Variants in FMO5 observed in about 807,000 individuals in gnomAD.
FMO5 encodes flavin-containing monooxygenase 5.
FMO5 carries 51 observed loss-of-function variants against 43.6 expected under a neutral mutation model. The ratio of observed to expected loss-of-function variants is 1.17; its 90% CI spans 0.93 to 1.48. The LOEUF is 1.48. Ranked by LOEUF, FMO5 falls within the 40% of genes most tolerant of loss-of-function variation. The pLI is 0.00. For synonymous variants in FMO5, 187 were observed against 216.5 expected (o/e 0.86, Z 1.20); for missense variants, 644 against 643.0 (o/e 1.00, Z -0.02).
At chr1:147,193,595 T>C (rs1657334855) in intron 7 of FMO5, among the ~76,000 whole-genome samples, 1 of 152,174 alleles carries the variant, frequency 6.6e-6, no homozygotes, top group South Asian at 2.1e-4. Context: ...TTAATTGTGA[T>C]GTTAGGGTGT....
upstream of FMO5, among the ~76,000 whole-genome samples, chr1:147,226,740 A>G (rs1380756570): frequency 2.0e-5 from 3 of 152,166 alleles, no homozygotes; most frequent in African/African-American, 7.2e-5. Flanking sequence ...TTTTCATGAG[A>G]GGCAACTGAT....
At position 147,213,390 on chromosome 1, in the gene FMO5, T is replaced by C; in HGVS notation, c.405A>G (p.Lys135=). 1 of 1,613,850 alleles carries C rather than the reference T, an allele frequency of 6.2e-7. No individual in the cohort carries two copies. Among genetic ancestry groups the C allele is most frequent in the South Asian group, 1.1e-5 (1 of 91,016 alleles). ...QWEVVTESEG[K]KEMNVFDGVM... is the part of the protein sequence containing the mutation. ...CTCCATCAAAGACATTCATCTCCTT[T>C]TTCCCTTCAGATTCAGTGACCACTT... Residue 135 remains lysine, a synonymous_variant, in exon 4 of 9, where the codon AAA becomes AAG. Transcript: ENST00000254090.
intron 6 of FMO5, among the ~76,000 whole-genome samples, chr1:147,203,067 T>C (rs894082806): frequency 2.0e-5 from 3 of 152,152 alleles, no homozygotes; most frequent in African/African-American, 7.2e-5. Flanking sequence ...TGAATGGCTT[T>C]GGACTGTCTT....
chr1:147,225,951 G>C (rs1267178790), upstream of FMO5: 1 of 152,216 alleles, frequency 6.6e-6, no homozygotes, highest in East Asian at 1.9e-4. Flanking sequence ...ACAAGAGTGG[G>C]AAACGTGACT....
intron 6 of FMO5, chr1:147,205,082 G>A (rs1659752495): frequency 1.6e-6 from 1 of 612,828 alleles, no homozygotes; most frequent in South Asian, 1.9e-5. Context: ...GCAAGTCCTG[G>A]AGCATAATGT....
intron 2 of FMO5, among the ~76,000 whole-genome samples, chr1:147,218,182 A>G (rs1453234634): frequency 6.6e-6 from 1 of 152,200 alleles, no homozygotes; most frequent in Non-Finnish European, 1.5e-5. Context: ...ATTAGTAACA[A>G]TGTTAAATGT....
intron 7 of FMO5, among the ~76,000 whole-genome samples, chr1:147,198,829 C>T (rs782803112): frequency 5.0e-5 from 6 of 119,230 alleles, no homozygotes; most frequent in African/African-American, 6.5e-5. Context: ...CCAGCCTGGG[C>T]GACAGAGCGA....
intron 7 of FMO5, among the ~76,000 whole-genome samples, chr1:147,198,872 A>AAAAGAAAG (rs1553920320): frequency 5.5e-4 from 79 of 144,674 alleles, no homozygotes; most frequent in Middle Eastern, 3.7e-3. Flanking sequence ...AAAAAAAAAA[A>AAAAGAAAG]AAAGAAAGAA....
intron 2 of FMO5, chr1:147,223,961 C>A (rs1663532719): frequency 2.6e-6 from 1 of 388,564 alleles, no homozygotes; most frequent in East Asian, 8.2e-5. Context: ...ACCCGTCTTT[C>A]CAGCAGGGGT....
At chr1:147,212,889 T>C (rs1227547328) in intron 4 of FMO5, among the ~76,000 whole-genome samples, 2 of 152,096 alleles carry the variant, frequency 1.3e-5, no homozygotes, top group African/African-American at 4.8e-5. Flanking sequence ...TATTCTTATA[T>C]ACTTTAGAGT....
chr1:147,204,952 G>A (rs2101872603), intron 6 of FMO5: 2 of 1,463,820 alleles, frequency 1.4e-6, no homozygotes, highest in East Asian at 2.3e-5. Flanking sequence ...GCAGGAAGCC[G>A]TTCACGTGAC....
intron 5 of FMO5, 38 bp from the exon 6 acceptor site, chr1:147,209,089 G>C (rs1351884582): frequency 6.4e-7 from 1 of 1,573,312 alleles, no homozygotes; most frequent in African/African-American, 1.4e-5. Context: ...TTGTCACTCA[G>C]ATTCGTAAAC....
chr1:147,189,119 C>G (rs1052303097), intron 8 of FMO5, among the ~76,000 whole-genome samples: 5 of 151,918 alleles, frequency 3.3e-5, no homozygotes, highest in Non-Finnish European at 7.4e-5. Context: ...ACTAAAAATA[C>G]AAAAATGAGC....
chr1:147,219,741 T>TA (rs80312091), intron 2 of FMO5, among the ~76,000 whole-genome samples: 36 of 132,906 alleles, frequency 2.7e-4, no homozygotes, highest in Middle Eastern at 4.2e-3. Flanking sequence ...CCCAAAGGAT[T>TA]AAAAAAAAAA....
chr1:147,206,594 T>A (rs1439654502), intron 6 of FMO5, among the ~76,000 whole-genome samples: 3 of 152,158 alleles, frequency 2.0e-5, no homozygotes, highest in South Asian at 2.1e-4. Context: ...TAAAAAATGA[T>A]GAGTTCATGT....
chr1:147,195,020 C>T (rs1225223830), intron 7 of FMO5, among the ~76,000 whole-genome samples: 5 of 151,580 alleles, frequency 3.3e-5, no homozygotes, highest in African/African-American at 4.9e-5. Flanking sequence ...ATCTTTGTGG[C>T]GTTCTCTGTA....
intron 6 of FMO5, chr1:147,204,334 T>C (rs1659573621): frequency 3.1e-6 from 3 of 975,318 alleles, no homozygotes; most frequent in African/African-American, 1.6e-5. Context: ...TCTGATGTTA[T>C]CAACTTTGAA....
chr1:147,204,487 C>A, intron 6 of FMO5: 1 of 1,529,114 alleles, frequency 6.5e-7, no homozygotes, highest in Non-Finnish European at 9.1e-7. Flanking sequence ...TTTTGCAGAA[C>A]AACGTACCAA....
chr1:147,185,520 T>C (rs1655543297), downstream of FMO5, among the ~76,000 whole-genome samples: 2 of 152,144 alleles, frequency 1.3e-5, no homozygotes, highest in African/African-American at 4.8e-5. Context: ...TCAAAAGGCA[T>C]TCCACAGGTA....
Sources: gnomAD v4.1 joint callset for allele counts (sites outside exome capture counted in the v4.1 genomes callset) on GRCh38, gnomAD v4.1.1 for gene constraint, MANE v1.5 for transcripts, NCBI Gene and HGNC (gene_info 2026-07-23, HGNC 2026-07-21) for gene names.